The following PDZD2 variants were observed in gnomAD, a reference collection of about 807,000 sequenced individuals.
The protein encoded by PDZD2 is PDZ domain-containing protein 2.
A neutral mutation model predicts 220.7 loss-of-function variants in PDZD2; 90 were observed. The observed-to-expected ratio is 0.41, with a 90% CI of 0.34 to 0.49. PDZD2 has a LOEUF of 0.49. Ranked by LOEUF, PDZD2 falls within the 20% of genes least tolerant of loss-of-function variation. The probability of loss-of-function intolerance (pLI) is 0.28; values close to 1 mark genes in which losing one functional copy is unlikely to be tolerated. For synonymous variants in PDZD2, 1,375 were observed against 1,450.5 expected (o/e 0.95, Z 1.18); for missense variants, 3,174 against 3,608.5 (o/e 0.88, Z 3.08).
chr5:31,719,823 G>A (rs1748682198), intron 1 of PDZD2, among the ~76,000 whole-genome samples: 1 of 152,142 alleles, frequency 6.6e-6, no homozygotes. Context: ...AGAGACTAGT[G>A]ATAGAGAAGT....
intron 2 of PDZD2, among the ~76,000 whole-genome samples, chr5:31,893,438 C>A (rs1741246368): frequency 6.6e-6 from 1 of 152,060 alleles, no homozygotes; most frequent in African/African-American, 2.4e-5. Context: ...ACGTGGTGGT[C>A]CACACTTGTA....
chr5:31,918,574 A>G (rs4867398), intron 2 of PDZD2, among the ~76,000 whole-genome samples: 113,333 of 152,052 alleles, frequency 0.75, 42,368 homozygotes, highest in Middle Eastern at 0.83. Context: ...TTTAAGTAGT[A>G]TGGTTAATCA....
chr5:32,010,527 T>C (rs1400081767), intron 6 of PDZD2, 45 bp downstream of exon 6: 8 of 1,460,922 alleles, frequency 5.5e-6, no homozygotes, highest in Non-Finnish European at 7.7e-6. Context: ...ATTACTTTTT[T>C]CTGAAGTCCT....
At chr5:31,919,880 C>T (rs1353641115) in intron 2 of PDZD2, among the ~76,000 whole-genome samples, 1 of 149,270 alleles carries the variant, frequency 6.7e-6, no homozygotes, top group African/African-American at 2.5e-5. Flanking sequence ...ATGAACCAGG[C>T]GTGGTGGTGT....
At chr5:31,643,421 C>G (rs1423930511) in intron 1 of PDZD2, among the ~76,000 whole-genome samples, 2 of 152,170 alleles carry the variant, frequency 1.3e-5, no homozygotes, top group Non-Finnish European at 2.9e-5. Flanking sequence ...ATCCAGTTAC[C>G]AGGTGCAAGG....
intron 1 of PDZD2, among the ~76,000 whole-genome samples, chr5:31,763,871 A>T (rs111617496): frequency 0.12 from 3,984 of 33,166 alleles, 64 homozygotes; most frequent in East Asian, 0.37. Context: ...CCCTCTGATT[A>T]AAAAAAAAAA....
chr5:31,684,215 G>A (rs760153365), intron 1 of PDZD2, among the ~76,000 whole-genome samples: 5 of 152,192 alleles, frequency 3.3e-5, no homozygotes, highest in Non-Finnish European at 7.3e-5. Flanking sequence ...GTGTCTGATA[G>A]GTGTCTCAAG....
intron 5 of PDZD2, among the ~76,000 whole-genome samples, chr5:32,006,902 C>T (rs1752857951): frequency 8.4e-6 from 1 of 119,590 alleles, no homozygotes; most frequent in Non-Finnish European, 1.7e-5. Flanking sequence ...GTTAGCCATG[C>T]TGGTCTTTTT....
At chr5:31,979,428 A>C (rs1244073904) in intron 2 of PDZD2, among the ~76,000 whole-genome samples, 1 of 152,036 alleles carries the variant, frequency 6.6e-6, no homozygotes, top group African/African-American at 2.4e-5. Context: ...AGATACAAAA[A>C]AATTAGCCGG....
At chr5:31,788,659 C>G (rs1234244322) in intron 1 of PDZD2, among the ~76,000 whole-genome samples, 1 of 95,428 alleles carries the variant, frequency 1.0e-5, no homozygotes, top group Non-Finnish European at 2.3e-5. Context: ...AAGTGAGACT[C>G]TGTCTCAAAA....
intron 7 of PDZD2, among the ~76,000 whole-genome samples, chr5:32,041,990 C>A (rs537708828): frequency 1.6e-5 from 2 of 126,892 alleles, no homozygotes; most frequent in Non-Finnish European, 3.3e-5. Flanking sequence ...CCGAGGTGGG[C>A]GGCTCACGAG....
intron 22 of PDZD2, among the ~76,000 whole-genome samples, chr5:32,097,740 CA>C (rs112855908): frequency 0.016 from 2,476 of 152,284 alleles, 68 homozygotes; most frequent in African/African-American, 0.057. Context: ...TTACATCATT[CA>C]AAAGCCTTCA....
intron 2 of PDZD2, among the ~76,000 whole-genome samples, chr5:31,940,608 T>C (rs1461026597): frequency 6.6e-6 from 1 of 152,170 alleles, no homozygotes; most frequent in Non-Finnish European, 1.5e-5. Context: ...TTTTTGGTAA[T>C]TTTGAGGTTT....
At chr5:31,824,572 T>C (rs1368769802) in intron 2 of PDZD2, among the ~76,000 whole-genome samples, 1 of 152,164 alleles carries the variant, frequency 6.6e-6, no homozygotes, top group Non-Finnish European at 1.5e-5. Flanking sequence ...AGAATCAGCC[T>C]GCCTTGATCC....
chr5:31,682,809 C>T (rs1442589227), intron 1 of PDZD2, among the ~76,000 whole-genome samples: 1 of 151,982 alleles, frequency 6.6e-6, no homozygotes. Flanking sequence ...CGCTCCATTT[C>T]CACCACAAGC....
At chr5:31,701,098 G>A (rs1377401630) in intron 1 of PDZD2, among the ~76,000 whole-genome samples, 1 of 152,240 alleles carries the variant, frequency 6.6e-6, no homozygotes, top group East Asian at 1.9e-4. Flanking sequence ...TTGAGCTGTT[G>A]TACAGACCCA....
chr5:32,065,722 T>G (rs1483547360), intron 14 of PDZD2, among the ~76,000 whole-genome samples: 3 of 152,196 alleles, frequency 2.0e-5, no homozygotes, highest in Non-Finnish European at 4.4e-5. Context: ...CAGAGTTTTT[T>G]GAATAAATAA....
At chr5:31,954,745 G>C (rs1170524423) in intron 2 of PDZD2, among the ~76,000 whole-genome samples, 1 of 152,080 alleles carries the variant, frequency 6.6e-6, no homozygotes, top group Non-Finnish European at 1.5e-5. Context: ...TGGCTAACAT[G>C]GTGAAACCCC....
intron 7 of PDZD2, among the ~76,000 whole-genome samples, chr5:32,044,055 TTGGTGGCTCATGCCTATAATCCC>T (rs1737689142): frequency 6.6e-6 from 1 of 152,062 alleles, no homozygotes; most frequent in African/African-American, 2.4e-5. Flanking sequence ...TAGGCTGGGC[TTGGTGGCTCATGCCTATAATCCC>T]AGCACTTTGG....
Sources: allele counts gnomAD v4.1 joint callset (sites outside exome capture counted in the v4.1 genomes callset), GRCh38; gene constraint gnomAD v4.1.1; transcripts MANE v1.5; gene names NCBI Gene and HGNC (gene_info 2026-07-23, HGNC 2026-07-21).